Variants in TACC2 observed in about 807,000 individuals in gnomAD.
TACC2 encodes transforming acidic coiled-coil-containing protein 2.
TACC2 carries 137 observed loss-of-function variants against 227.3 expected under a neutral mutation model. That is an observed-to-expected ratio of 0.60 (90% CI 0.52 to 0.69). The LOEUF is 0.69. Among genes scored for constraint, TACC2 ranks in the 30% least tolerant of loss-of-function variants. The pLI is 0.00. For synonymous variants in TACC2, 1,523 were observed against 1,487.5 expected (o/e 1.02, Z -0.55); for missense variants, 3,470 against 3,694.4 (o/e 0.94, Z 1.57).
intron 7 of TACC2, among the ~76,000 whole-genome samples, chr10:122,160,734 A>G (rs1230183544): frequency 6.6e-6 from 1 of 151,812 alleles, no homozygotes; most frequent in East Asian, 1.9e-4. Context: ...CCCTTTTATC[A>G]TTCTCCCTCC....
At chr10:121,991,564 C>A (rs1953027529) in intron 1 of TACC2, among the ~76,000 whole-genome samples, 1 of 152,182 alleles carries the variant, frequency 6.6e-6, no homozygotes, top group Non-Finnish European at 1.5e-5. Context: ...GGTCAAGAAT[C>A]ATTTCAAAGC....
intron 11 of TACC2, among the ~76,000 whole-genome samples, chr10:122,221,947 G>A (rs1177302019): frequency 1.3e-5 from 2 of 152,130 alleles, no homozygotes; most frequent in African/African-American, 2.4e-5. Flanking sequence ...AGAGACAGAC[G>A]AAAGCAGCAT....
At chr10:122,139,072 C>G (rs2090137963) in intron 6 of TACC2, among the ~76,000 whole-genome samples, 1 of 152,212 alleles carries the variant, frequency 6.6e-6, no homozygotes, top group Non-Finnish European at 1.5e-5. Flanking sequence ...CTTGGACGAT[C>G]CAAGCCAGAC....
At position 122,003,995 on chromosome 10, in the gene TACC2, C is replaced by T. The variant is rs551591562; in HGVS notation, c.-46+14507C>T. On this transcript the variant is annotated intron_variant, in intron 1 of 22. Coordinates refer to ENST00000369005, the MANE Select transcript of TACC2 (RefSeq NM_206862.4). ...TAAAACTAATGAAAAGGGCTAGGAG[C>T]GGTGGCTTACGCCTGTAATCCTAGC... 2.6e-5 allele frequency among the ~76,000 whole-genome samples: 4 copies of T among 151,460 alleles called. No homozygotes were observed. In the East Asian group the frequency reaches 6.0e-4, roughly 23 times the overall value.
chr10:122,005,079 A>G (rs1954891938), intron 1 of TACC2, among the ~76,000 whole-genome samples: 1 of 151,472 alleles, frequency 6.6e-6, no homozygotes, highest in Non-Finnish European at 1.5e-5. Flanking sequence ...AAGTTACTGT[A>G]TTTTATTTTA....
rs754121824 is a variant in TACC2 at position 122,086,468 on chromosome 10, T to G, written c.3968T>G (p.Val1323Gly). The change falls in exon 4 of 23, where the codon GTG (valine) becomes GGG (glycine). Residue 1323 changes from valine to glycine, a missense_variant. Physicochemically the swap from Val to Gly is moderately radical, Grantham distance 109. This residue lies in a region of TACC2 where 1,924 missense variants were observed against 1,978.3 expected (regional missense o/e 0.97). Transcript: ENST00000369005. Reference sequence around the variant, plus strand: ...AAAGCCAGAACCACTGAGGGACCAGTGGACTCCATGCCATGCCTGGACCGG... The same window carrying G: ...AAAGCCAGAACCACTGAGGGACCAGGGGACTCCATGCCATGCCTGGACCGG... ...SPKARTTEGP[V>G]DSMPCLDRMP... is the part of the protein sequence containing the mutation. 2 of 1,613,628 alleles carry G rather than the reference T, an allele frequency of 1.2e-6. No homozygotes were observed. Among genetic ancestry groups the G allele is most frequent in the Admixed American group, 3.3e-5 (2 of 60,000 alleles).
chr10:122,152,513 C>T (rs760466394), intron 7 of TACC2, among the ~76,000 whole-genome samples: 7 of 152,218 alleles, frequency 4.6e-5, no homozygotes, highest in Non-Finnish European at 1.0e-4. Context: ...CACGGACCTT[C>T]CCTTACTTGG....
At chr10:122,061,540 C>A (rs2076826632) in intron 3 of TACC2, among the ~76,000 whole-genome samples, 1 of 152,150 alleles carries the variant, frequency 6.6e-6, no homozygotes, top group South Asian at 2.1e-4. Flanking sequence ...GAAGGCCTGG[C>A]ATCTTTGAGA....
At chr10:122,177,394 T>G (rs1325142422) in intron 7 of TACC2, among the ~76,000 whole-genome samples, 1 of 152,114 alleles carries the variant, frequency 6.6e-6, no homozygotes, top group Non-Finnish European at 1.5e-5. Flanking sequence ...CAGGGCCTTT[T>G]AAAAATTATA....
chr10:122,203,826 T>G (rs1369142037), intron 8 of TACC2, among the ~76,000 whole-genome samples: 1 of 152,056 alleles, frequency 6.6e-6, no homozygotes, highest in Non-Finnish European at 1.5e-5. Flanking sequence ...GTGGAGGTTG[T>G]AGCGAGCCGA....
Position 122,254,407 on chromosome 10 carries a change from G to A in TACC2, c.*351G>A. 1 of 289,078 alleles carries A rather than the reference G, an allele frequency of 3.5e-6. No homozygotes were observed. The highest frequency in any genetic ancestry group is 3.9e-5 in the South Asian group (1 of 25,608). 17.9% of individuals were successfully genotyped at this position (289,078 alleles called of 1,614,324 possible). On this transcript the variant is annotated 3_prime_UTR_variant, in exon 23 of 23. Coordinates refer to ENST00000369005, the MANE Select transcript of TACC2 (RefSeq NM_206862.4). The stretch of plus-strand genomic sequence containing the variant: ...TTTGGATTTAATATGAACATGTACA[G>A]CGTGCATAGGGACTCTTGCCTTAAG...
At chr10:122,095,203 A>G (rs1171595563) in intron 5 of TACC2, among the ~76,000 whole-genome samples, 4 of 152,156 alleles carry the variant, frequency 2.6e-5, no homozygotes, top group East Asian at 1.9e-4. Flanking sequence ...CCTTTCACCA[A>G]TGCCAGCCAC....
chr10:122,231,600 G>A (rs114399661), intron 16 of TACC2, among the ~76,000 whole-genome samples: 3,474 of 152,264 alleles, frequency 0.023, 123 homozygotes, highest in African/African-American at 0.08. Flanking sequence ...GGGTGGATCC[G>A]GGTCCCATTT....
At chr10:122,200,974 GT>G (rs2094803457) in intron 8 of TACC2, among the ~76,000 whole-genome samples, 2 of 123,354 alleles carry the variant, frequency 1.6e-5, no homozygotes, top group Admixed American at 1.6e-4. Flanking sequence ...CACATCTACA[GT>G]GAGAGGACGG....
intron 8 of TACC2, among the ~76,000 whole-genome samples, chr10:122,196,143 C>A (rs909931125): frequency 1.3e-5 from 2 of 152,226 alleles, no homozygotes; most frequent in Non-Finnish European, 2.9e-5. Context: ...TGTGTACTTG[C>A]CCTGGCCAGG....
At chr10:122,220,700 T>C (rs1243043633) in intron 11 of TACC2, among the ~76,000 whole-genome samples, 1 of 152,206 alleles carries the variant, frequency 6.6e-6, no homozygotes, top group East Asian at 1.9e-4. Flanking sequence ...ATAATTATGA[T>C]TTAAATACAT....
intron 4 of TACC2, 26 bp from the exon 5 acceptor site, chr10:122,088,452 T>G: frequency 6.3e-7 from 1 of 1,588,918 alleles, no homozygotes; most frequent in Non-Finnish European, 8.6e-7. Context: ...CATTATCCTA[T>G]TAATTGCTTT....
intron 1 of TACC2, among the ~76,000 whole-genome samples, chr10:121,990,118 AT>A (rs547344106): frequency 0.019 from 2,817 of 144,920 alleles, 31 homozygotes; most frequent in Non-Finnish European, 0.029. Context: ...CCTTCTGTGG[AT>A]TTTTTTTTTT....
At chr10:122,013,821 A>C (rs1319436823) in intron 1 of TACC2, among the ~76,000 whole-genome samples, 1 of 152,202 alleles carries the variant, frequency 6.6e-6, no homozygotes, top group Admixed American at 6.5e-5. Flanking sequence ...GTGTGAAGCC[A>C]GTTCTGGTTC....
Sources: allele counts gnomAD v4.1 joint callset (sites outside exome capture counted in the v4.1 genomes callset), GRCh38; gene constraint gnomAD v4.1.1; regional missense constraint gnomAD v4.1.1; transcripts MANE v1.5; gene names NCBI Gene and HGNC (gene_info 2026-07-23, HGNC 2026-07-21).